The following MYT1L variants were observed in gnomAD, a reference collection of about 807,000 sequenced individuals.
MYT1L encodes myelin transcription factor 1 like, also known as myelin transcription factor 1-like protein.
A neutral mutation model predicts 126.7 loss-of-function variants in MYT1L; 12 were observed. The ratio of observed to expected loss-of-function variants is 0.09; its 90% CI spans 0.06 to 0.15. MYT1L has a LOEUF of 0.15. Ranked by LOEUF, MYT1L falls within the 10% of genes least tolerant of loss-of-function variation. MYT1L has a pLI of 1.00. For synonymous variants in MYT1L, 541 were observed against 604.2 expected (o/e 0.90, Z 1.53); for missense variants, 979 against 1,585.2 (o/e 0.62, Z 6.49).
intron 18 of MYT1L, among the ~76,000 whole-genome samples, chr2:1,869,054 G>A (rs1253869978): frequency 6.6e-6 from 1 of 152,248 alleles, no homozygotes; most frequent in Non-Finnish European, 1.5e-5. Context: ...TAGAGCTTCA[G>A]CCAGGACTGC....
intron 3 of MYT1L, among the ~76,000 whole-genome samples, chr2:2,171,625 C>CATT (rs1553529538): frequency 6.6e-6 from 1 of 151,882 alleles, no homozygotes; most frequent in African/African-American, 2.4e-5. Context: ...TTGTCGTCGT[C>CATT]GTTGTTGTTG....
At chr2:2,315,713 G>A (rs1253818196) in intron 1 of MYT1L, among the ~76,000 whole-genome samples, 1 of 152,124 alleles carries the variant, frequency 6.6e-6, no homozygotes, top group Non-Finnish European at 1.5e-5. Flanking sequence ...CTCATTTTAT[G>A]ATCTTCCAAA....
intron 3 of MYT1L, among the ~76,000 whole-genome samples, chr2:2,078,040 G>C (rs773513602): frequency 2.0e-5 from 3 of 152,114 alleles, no homozygotes; most frequent in Non-Finnish European, 2.9e-5. Context: ...GCAATAATAG[G>C]ACAAAATTGG....
intron 3 of MYT1L, among the ~76,000 whole-genome samples, chr2:2,079,493 T>C (rs1400741953): frequency 6.6e-6 from 1 of 152,168 alleles, no homozygotes; most frequent in Non-Finnish European, 1.5e-5. Flanking sequence ...TTCATGACAA[T>C]GAAAGGACCC....
At chr2:2,317,306 C>T (rs917448306) in intron 1 of MYT1L, among the ~76,000 whole-genome samples, 2 of 152,110 alleles carry the variant, frequency 1.3e-5, no homozygotes, top group African/African-American at 4.8e-5. Context: ...AGGGGCCCGT[C>T]GGTGTGGTCC....
chr2:2,036,981 G>T (rs2066925904), intron 4 of MYT1L, among the ~76,000 whole-genome samples: 1 of 152,160 alleles, frequency 6.6e-6, no homozygotes, highest in Non-Finnish European at 1.5e-5. Flanking sequence ...AACAACAGAG[G>T]CATCCCTTGG....
At chr2:1,955,871 G>A (rs1244426582) in intron 8 of MYT1L, among the ~76,000 whole-genome samples, 3 of 152,092 alleles carry the variant, frequency 2.0e-5, no homozygotes, top group Non-Finnish European at 4.4e-5. Context: ...ACTTGTCCAA[G>A]GAAAACCCAT....
intron 8 of MYT1L, among the ~76,000 whole-genome samples, chr2:1,958,835 G>A (rs771325160): frequency 4.8e-5 from 7 of 145,430 alleles, no homozygotes; most frequent in Admixed American, 1.4e-4. Flanking sequence ...CTGGTTTTCC[G>A]GCTGTTCACT....
At chr2:1,861,607 G>T (rs1355907789) in intron 18 of MYT1L, among the ~76,000 whole-genome samples, 1 of 151,660 alleles carries the variant, frequency 6.6e-6, no homozygotes, top group African/African-American at 2.4e-5. Context: ...CCTGCAGCCT[G>T]TGTAATCCTA....
intron 4 of MYT1L, among the ~76,000 whole-genome samples, chr2:2,027,226 G>C (rs1313715797): frequency 6.6e-6 from 1 of 152,126 alleles, no homozygotes; most frequent in Non-Finnish European, 1.5e-5. Flanking sequence ...GAAGTCAGGA[G>C]AGCTCCACCC....
chr2:2,053,088 G>A (rs1030473215), intron 4 of MYT1L, among the ~76,000 whole-genome samples: 30 of 152,090 alleles, frequency 2.0e-4, no homozygotes, highest in Non-Finnish European at 3.7e-4. Context: ...TAGAAAGGAA[G>A]GATGCTCTGA....
intron 9 of MYT1L, among the ~76,000 whole-genome samples, chr2:1,925,309 G>A (rs1437842247): frequency 6.6e-6 from 1 of 152,152 alleles, no homozygotes; most frequent in Non-Finnish European, 1.5e-5. Context: ...AATCCTCCTT[G>A]CTGCTTCTAC....
intron 3 of MYT1L, among the ~76,000 whole-genome samples, chr2:2,138,026 A>G (rs1254778098): frequency 6.6e-6 from 1 of 152,210 alleles, no homozygotes; most frequent in African/African-American, 2.4e-5. Flanking sequence ...AAAAGTGGGC[A>G]AAGGACATGA....
chr2:1,977,195 C>G (rs993345367), intron 8 of MYT1L, among the ~76,000 whole-genome samples: 1 of 152,106 alleles, frequency 6.6e-6, no homozygotes, highest in Non-Finnish European at 1.5e-5. Context: ...CCCTAACATC[C>G]CAGCGAATGG....
chr2:2,069,120 T>A (rs976239085), intron 3 of MYT1L, among the ~76,000 whole-genome samples: 15 of 152,072 alleles, frequency 9.9e-5, no homozygotes, highest in Non-Finnish European at 1.5e-5. Context: ...ATGTGCAGAA[T>A]GTACACGTTT....
chr2:2,311,324 C>T (rs993511671), intron 1 of MYT1L, among the ~76,000 whole-genome samples: 2 of 152,220 alleles, frequency 1.3e-5, no homozygotes, highest in Non-Finnish European at 2.9e-5. Context: ...ATATTCTATG[C>T]TGATGTATCT....
Position 2,279,564 on chromosome 2 carries a change from T to TGAAGGAAGAAAGGAAGGAAGGAAGGAAG in MYT1L, c.-421+4839_-421+4840insCTTCCTTCCTTCCTTCCTTTCTTCCTTC, listed in dbSNP as rs1553619839. On this transcript the variant is annotated intron_variant, in intron 2 of 24. Transcript: ENST00000647738. ...GAGAGAGAAAGAGAGAAGGAATGAA[T>TGAAGGAAGAAAGGAAGGAAGGAAGGAAG]GAATGAAGGAAGGAAGGAAGGAAGG... 1.2e-3 allele frequency among the ~76,000 whole-genome samples: 142 copies of TGAAGGAAGAAAGGAAGGAAGGAAGGAAG among 121,678 alleles called. 3 individuals carry two copies. The highest frequency in any genetic ancestry group is 8.4e-3 in the Middle Eastern group (2 of 238). 79.8% of individuals were successfully genotyped at this position (121,678 alleles called of 152,430 possible).
chr2:2,242,358 G>A (rs368488935), intron 2 of MYT1L, among the ~76,000 whole-genome samples: 3 of 152,280 alleles, frequency 2.0e-5, no homozygotes, highest in African/African-American at 7.2e-5. Flanking sequence ...TTAACAACAC[G>A]TAAAGCGCAT....
intron 14 of MYT1L, among the ~76,000 whole-genome samples, chr2:1,902,109 T>C (rs977964895): frequency 1.3e-5 from 2 of 152,246 alleles, no homozygotes; most frequent in Non-Finnish European, 2.9e-5. Flanking sequence ...ATTACGTCTA[T>C]ACAGCCTAGA....
Sources: gnomAD v4.1 joint callset for allele counts (sites outside exome capture counted in the v4.1 genomes callset) on GRCh38, gnomAD v4.1.1 for gene constraint, MANE v1.5 for transcripts, NCBI Gene and HGNC (gene_info 2026-07-23, HGNC 2026-07-21) for gene names.